FSTL4: variants seen among roughly 807,000 people sequenced by gnomAD.
FSTL4 encodes the protein follistatin-related protein 4.
Under a neutral mutation model 78.2 loss-of-function variants are expected in FSTL4, and 28 were observed. The observed-to-expected ratio is 0.36, with a 90% CI of 0.27 to 0.49. The LOEUF (loss-of-function observed/expected upper bound fraction) is 0.49, where lower values mean the gene tolerates loss of function less well. Ranked by LOEUF, FSTL4 falls within the 20% of genes least tolerant of loss-of-function variation. The pLI is 0.98. For missense variants in FSTL4, 922 were observed against 1,084.9 expected (o/e 0.85, Z 2.11); for synonymous variants, 422 against 440.5 (o/e 0.96, Z 0.53).
chr5:133,425,674 A>C (rs1756796507), intron 3 of FSTL4, among the ~76,000 whole-genome samples: 1 of 152,226 alleles, frequency 6.6e-6, no homozygotes, highest in Admixed American at 6.5e-5. Flanking sequence ...TTTGAACTTT[A>C]AAGTTAAAGC....
At chr5:133,270,209 C>G (rs953114883) in intron 6 of FSTL4, 1 of 152,188 alleles carries the variant, frequency 6.6e-6, no homozygotes, top group Non-Finnish European at 1.5e-5. Flanking sequence ...TAAAAGCACA[C>G]CACCCATTTC....
chr5:133,762,130 G>A, the FSTL4 span, among the ~76,000 whole-genome samples: 2 of 152,132 alleles, frequency 1.3e-5, no homozygotes, highest in African/African-American at 4.8e-5. Context: ...CTCTTCACTA[G>A]TATTTTCCAG....
upstream of FSTL4, among the ~76,000 whole-genome samples, chr5:133,615,930 G>C (rs1284344059): frequency 6.6e-6 from 1 of 152,150 alleles, no homozygotes; most frequent in Non-Finnish European, 1.5e-5. Context: ...AGGGAATTGT[G>C]AATGGTAAAA....
chr5:133,334,938 A>G (rs1197921525), intron 4 of FSTL4, among the ~76,000 whole-genome samples: 1 of 152,144 alleles, frequency 6.6e-6, no homozygotes, highest in Non-Finnish European at 1.5e-5. Context: ...AAGGCCTAAG[A>G]GTCAGGGGAT....
chr5:133,509,221 GC>G (rs1314202509), intron 3 of FSTL4, among the ~76,000 whole-genome samples: 1 of 152,142 alleles, frequency 6.6e-6, no homozygotes, highest in Non-Finnish European at 1.5e-5. Flanking sequence ...CACTGGGTGA[GC>G]CCTTCTCCTG....
At chr5:133,840,477 G>A in the FSTL4 span, among the ~76,000 whole-genome samples, 1 of 152,216 alleles carries the variant, frequency 6.6e-6, no homozygotes, top group Non-Finnish European at 1.5e-5. Context: ...CTCAGTCTCA[G>A]AATGGCTGAA....
the FSTL4 span, among the ~76,000 whole-genome samples, chr5:133,620,524 A>C: frequency 6.6e-6 from 1 of 152,164 alleles, no homozygotes; most frequent in African/African-American, 2.4e-5. Context: ...TTTTGCTCTT[A>C]ATTAGCTTGT....
rs77351840 is a variant in FSTL4 at position 133,282,245 on chromosome 5, A to G, written c.727+30409T>C. Among the ~76,000 whole-genome samples the G allele has an allele frequency of 7.1e-3, 1,079 of 152,212 alleles. 15 individuals are homozygous for G. Among genetic ancestry groups the G allele is most frequent in the African/African-American group, 0.025 (1,031 of 41,512 alleles). On this transcript the variant is annotated intron_variant, in intron 6 of 15. Transcript: ENST00000265342. ...GGGGCTTCCAAGCAGAGGAAACAGT[A>G]TGTGCCCTTCTGTGGGCACACATGA...
At chr5:133,451,651 C>T (rs918058882) in intron 3 of FSTL4, among the ~76,000 whole-genome samples, 1 of 152,164 alleles carries the variant, frequency 6.6e-6, no homozygotes, top group Admixed American at 6.5e-5. Flanking sequence ...AGAGCCACCA[C>T]CTCTGTCTGT....
chr5:133,570,006 G>A (rs1319208626), intron 2 of FSTL4, among the ~76,000 whole-genome samples: 3 of 151,924 alleles, frequency 2.0e-5, no homozygotes, highest in East Asian at 3.9e-4. Context: ...TCAGGAGATT[G>A]AGACCATCCT....
intron 15 of FSTL4, among the ~76,000 whole-genome samples, chr5:133,200,280 T>C (rs147814384): frequency 1.7e-3 from 265 of 152,396 alleles, no homozygotes; most frequent in Middle Eastern, 0.01. Context: ...AATTTGAGGA[T>C]GCAGATGCAG....
intron 3 of FSTL4, among the ~76,000 whole-genome samples, chr5:133,530,749 A>C (rs1041494202): frequency 6.6e-6 from 1 of 152,222 alleles, no homozygotes. Context: ...TGGAGCCCCA[A>C]GATAAACAAG....
At position 133,199,387 on chromosome 5, in the gene FSTL4, C is replaced by T; in HGVS notation, c.2237G>A (p.Ser746Asn). 1 of 1,614,196 alleles carries T rather than the reference C, an allele frequency of 6.2e-7. No individual in the cohort carries two copies. The highest frequency in any genetic ancestry group is 8.5e-7 in the Non-Finnish European group (1 of 1,180,028). Residue 746 changes from serine (S) to asparagine (N), a missense_variant, in exon 16 of 16, where the codon AGC becomes AAC. By Grantham distance (46) the Ser-to-Asn change is conservative. Transcript: ENST00000265342. The surrounding 1 kb of genome is among the most constrained non-coding windows in gnomAD (Gnocchi z 4.4). Reference protein sequence around the residue: ...DLAFQRSFTESNQYNIYAALH... With the variant: ...DLAFQRSFTENNQYNIYAALH... ...AGCCGCGTAGATGTTGTATTGATTGCTTTCAGTGAAGGAGCGCTGGAAGGC... is the reference window on the plus strand; with the variant it reads ...AGCCGCGTAGATGTTGTATTGATTGTTTTCAGTGAAGGAGCGCTGGAAGGC...
At chr5:133,512,120 G>A (rs1758746417) in intron 3 of FSTL4, among the ~76,000 whole-genome samples, 1 of 152,242 alleles carries the variant, frequency 6.6e-6, no homozygotes, top group Non-Finnish European at 1.5e-5. Context: ...CACTGGGCAA[G>A]GCCATTCCTC....
At chr5:133,312,351 T>C (rs1031035836) in intron 6 of FSTL4, 2 of 315,588 alleles carry the variant, frequency 6.3e-6, no homozygotes, top group Admixed American at 4.6e-5. Flanking sequence ...CCTTCAGTCA[T>C]AGAACCCCCA....
chr5:133,225,137 C>G lies in FSTL4; in HGVS notation c.1312+13G>C. The G allele has an allele frequency of 6.2e-7, 1 of 1,614,178 alleles. No homozygotes were observed. Among genetic ancestry groups the G allele is most frequent in the Non-Finnish European group, 8.5e-7 (1 of 1,180,018 alleles). On this transcript the variant is annotated intron_variant, in intron 10 of 15. Transcript: ENST00000265342. The surrounding 1 kb of genome is among the most constrained non-coding windows in gnomAD (Gnocchi z 4.6). ...GCCAGCTCAGTGAGAAGCATAAACG[C>G]GTGTCGACTTACGGGTCTTTCTAGC...
chr5:133,823,835 G>C, the FSTL4 span, among the ~76,000 whole-genome samples: 11 of 152,210 alleles, frequency 7.2e-5, no homozygotes, highest in South Asian at 6.2e-4. Flanking sequence ...CCCCTGGGGA[G>C]AAAGGGCCAG....
chr5:133,460,550 G>T (rs911624019), intron 3 of FSTL4, among the ~76,000 whole-genome samples: 1 of 152,140 alleles, frequency 6.6e-6, no homozygotes, highest in Admixed American at 6.5e-5. Flanking sequence ...CCTAATAGTC[G>T]CAAGCCTCAT....
chr5:133,200,971 C>G (rs1278345423), intron 15 of FSTL4, among the ~76,000 whole-genome samples: 1 of 152,186 alleles, frequency 6.6e-6, no homozygotes, highest in Non-Finnish European at 1.5e-5. Context: ...CTGAATACAG[C>G]TGCTTTATGA....
Sources: allele counts gnomAD v4.1 joint callset (sites outside exome capture counted in the v4.1 genomes callset), GRCh38; gene constraint gnomAD v4.1.1; non-coding constraint Gnocchi (gnomAD v3.1); transcripts MANE v1.5; gene names NCBI Gene and HGNC (gene_info 2026-07-23, HGNC 2026-07-21).